Variants in FN3K observed in about 807,000 individuals in gnomAD.
FN3K encodes fructosamine 3 kinase.
Under a neutral mutation model 24.8 loss-of-function variants are expected in FN3K, and 24 were observed. That is an observed-to-expected ratio of 0.97 (90% CI 0.70 to 1.36). FN3K has a LOEUF of 1.36. Ranked by LOEUF, FN3K falls within the 40% of genes most tolerant of loss-of-function variation. The pLI, the probability that FN3K is intolerant of heterozygous loss-of-function variation, is 0.00. For missense variants in FN3K, 449 were observed against 416.7 expected (o/e 1.08, Z -0.67); for synonymous variants, 192 against 175.2 (o/e 1.10, Z -0.76).
Position 82,735,834 on chromosome 17 carries a change from G to A in FN3K, c.141+57G>A, listed in dbSNP as rs1032001493. 2.9e-5 allele frequency: 44 copies of A among 1,523,288 alleles called. No homozygotes were observed. The East Asian group carries it at 1.0e-3, about 36-fold the overall frequency. 94.4% of individuals were successfully genotyped at this position (1,523,288 alleles called of 1,614,324 possible). A position where few individuals can be genotyped will look rare whatever the true frequency, so the allele number is the denominator to read the frequency against. On this transcript the variant is annotated intron_variant, in intron 1 of 5. Transcript: ENST00000300784. ...GGGTCTCTGCGGGGCCTGGGAAGGC[G>A]GAGGGGTCGGGGGCAGGCGCATTTC... is the stretch of plus-strand genomic sequence containing the variant.
intron 4 of FN3K, chr17:82,745,777 T>C (rs2143649232): frequency 2.0e-5 from 3 of 152,296 alleles, no homozygotes; most frequent in Admixed American, 2.0e-4. Context: ...CTGTGTCATA[T>C]GGTAGGTCCA....
Position 82,750,932 on chromosome 17 carries a change from C to T in FN3K, c.*177C>T. On this transcript the variant is annotated 3_prime_UTR_variant, in exon 6 of 6. Transcript: ENST00000300784. ...TCCCCGTCCCCCCGTCCCCGTCCCT[C>T]CATCCCTGTCCCCCGTCCCCCTGTC... 3.0e-6 allele frequency: 1 copy of T among 332,662 alleles called. No homozygotes were observed. The highest frequency in any genetic ancestry group is 4.9e-5 in the East Asian group (1 of 20,252). 20.6% of individuals were successfully genotyped at this position (332,662 alleles called of 1,614,324 possible).
intron 4 of FN3K, among the ~76,000 whole-genome samples, chr17:82,746,684 T>C (rs928381740): frequency 6.6e-6 from 1 of 151,984 alleles, no homozygotes; most frequent in Admixed American, 6.6e-5. Context: ...GCACCTGTAA[T>C]TCCAGCTACT....
chr17:82,745,738 T>C (rs998906769), intron 4 of FN3K: 3 of 152,160 alleles, frequency 2.0e-5, no homozygotes, highest in African/African-American at 4.8e-5. Context: ...CTTCCACTTA[T>C]CTCGGGTAAA....
chr17:82,742,599 C>T lies in FN3K; in HGVS notation c.468+1206C>T, dbSNP rs1382547527. The stretch of plus-strand genomic sequence containing the variant: ...TATTCCATTCTATGGCTAGGCCACA[C>T]GTTTCTTTACATATTCCTTTTTATG... On this transcript the variant is annotated intron_variant, in intron 4 of 5. Coordinates refer to ENST00000300784, the MANE Select transcript of FN3K (RefSeq NM_022158.4). 1.4e-5 allele frequency: 6 copies of T among 422,208 alleles called. No homozygotes were observed. In the East Asian group the frequency reaches 2.9e-4, roughly 20 times the overall value. 26.2% of individuals were successfully genotyped at this position (422,208 alleles called of 1,614,324 possible).
At chr17:82,748,139 TTTC>T (rs1215012460) in intron 4 of FN3K, among the ~76,000 whole-genome samples, 41 of 144,870 alleles carry the variant, frequency 2.8e-4, no homozygotes, top group African/African-American at 2.7e-5. Flanking sequence ...CCACTCTAGC[TTTC>T]TTTTTTTTTT....
In FN3K at chr17:82,746,299, T is replaced by G. The variant is rs562033436; in HGVS notation, c.469-2556T>G. Among the ~76,000 whole-genome samples the G allele has an allele frequency of 1.5e-3, 228 of 152,250 alleles. 1 individual carries two copies. The highest frequency in any genetic ancestry group is 5.3e-3 in the African/African-American group (221 of 41,552). ...TGCATTTCCATAATGACTGAAGATG[T>G]GGAGCATCTATTCGTGTGCCTGTTT... On this transcript the variant is annotated intron_variant, in intron 4 of 5. Coordinates refer to ENST00000300784, the MANE Select transcript of FN3K (RefSeq NM_022158.4).
At chr17:82,742,817 A>G (rs1399430530) in intron 4 of FN3K, 1 of 437,526 alleles carries the variant, frequency 2.3e-6, no homozygotes, top group East Asian at 7.2e-5. Context: ...AAGAGAGAAT[A>G]CTTTCAAATC....
chr17:82,741,446 C>A, intron 4 of FN3K, 53 bp downstream of exon 4: 1 of 1,466,670 alleles, frequency 6.8e-7, no homozygotes, highest in African/African-American at 1.4e-5. Flanking sequence ...GTCACCCACT[C>A]TTTATATGTG....
Position 82,735,753 on chromosome 17 carries a change from C to A in FN3K, c.117C>A (p.Phe39Leu). Reference protein sequence around the residue: ...RAYDTDAGPVFVKVNRRTQAR... With the variant: ...RAYDTDAGPVLVKVNRRTQAR... Reference sequence around the variant, plus strand: ...ACGACACGGACGCAGGCCCAGTGTTCGTCAAAGTCAACCGCAGGACGCAGG... The same window carrying A: ...ACGACACGGACGCAGGCCCAGTGTTAGTCAAAGTCAACCGCAGGACGCAGG... Residue 39 changes from phenylalanine (F) to leucine (L), a missense_variant, in exon 1 of 6, where the codon TTC becomes TTA. Phe to Leu is a conservative substitution (Grantham distance 22). Coordinates refer to ENST00000300784, the MANE Select transcript of FN3K (RefSeq NM_022158.4). The A allele has an allele frequency of 6.4e-7, 1 of 1,564,006 alleles. No individual in the cohort carries two copies. The highest frequency in any genetic ancestry group is 8.6e-7 in the Non-Finnish European group (1 of 1,156,274).
At chr17:82,746,314 T>C (rs950878901) in intron 4 of FN3K, among the ~76,000 whole-genome samples, 1 of 152,160 alleles carries the variant, frequency 6.6e-6, no homozygotes, top group Non-Finnish European at 1.5e-5. Flanking sequence ...CATCTATTCG[T>C]GTGCCTGTTT....
chr17:82,744,019 G>C (rs1196514563), intron 4 of FN3K, among the ~76,000 whole-genome samples: 1 of 152,268 alleles, frequency 6.6e-6, no homozygotes, highest in Non-Finnish European at 1.5e-5. Context: ...GAGCTCAGAC[G>C]CTGGGAGCTT....
rs2047034716 is a variant in FN3K at position 82,751,013 on chromosome 17, TCCGTCCCCGTCCCCCCTGCCCCGTCC to T, written c.*264_*289del. The T allele has an allele frequency of 2.7e-4, 26 of 96,650 alleles. 1 individual carries two copies. The highest frequency in any genetic ancestry group is 1.6e-3 in the South Asian group (26 of 16,474). The allele number at this position is 96,650 out of a possible 1,614,324, so 6.0% of individuals were successfully genotyped here. A position where few individuals can be genotyped will look rare whatever the true frequency, so the allele number is the denominator to read the frequency against. ...CGACCCCCCATCCCCGTCCCCCATC[TCCGTCCCCGTCCCCCCTGCCCCGTCC>T]CCGTCTCCGTTCCCCCGTCCCCATC... On this transcript the variant is annotated 3_prime_UTR_variant, in exon 6 of 6. Transcript: ENST00000300784.
chr17:82,746,678 C>T (rs2046970494), intron 4 of FN3K, among the ~76,000 whole-genome samples: 1 of 152,014 alleles, frequency 6.6e-6, no homozygotes, highest in Non-Finnish European at 1.5e-5. Context: ...TGGCGGGCAC[C>T]TGTAATTCCA....
chr17:82,746,445 T>G (rs756455335), intron 4 of FN3K, among the ~76,000 whole-genome samples: 5 of 152,136 alleles, frequency 3.3e-5, no homozygotes, highest in Non-Finnish European at 5.9e-5. Flanking sequence ...TATGAGTGTT[T>G]TACCAGATAT....
In FN3K at chr17:82,735,755, T is replaced by C; in HGVS notation, c.119T>C (p.Val40Ala). 1.3e-6 allele frequency: 2 copies of C among 1,564,024 alleles called. No individual in the cohort carries two copies. The highest frequency in any genetic ancestry group is 2.4e-5 in the South Asian group (2 of 85,088). ...GACACGGACGCAGGCCCAGTGTTCG[T>C]CAAAGTCAACCGCAGGACGCAGGTG... ...AYDTDAGPVF[V>A]KVNRRTQARQ... is the part of the protein sequence containing the mutation. Residue 40 changes from valine to alanine, a missense_variant, in exon 1 of 6, where the codon GTC (valine) becomes GCC (alanine). By Grantham distance (64) the Val-to-Ala change is moderately conservative. Transcript: ENST00000300784.
intron 1 of FN3K, chr17:82,738,168 G>A (rs754623134): frequency 6.0e-6 from 2 of 331,450 alleles, no homozygotes; most frequent in Non-Finnish European, 1.2e-5. Flanking sequence ...GTCCAGCTCT[G>A]GACCTTGGTT....
intron 1 of FN3K, chr17:82,736,023 C>T (rs3848403): frequency 0.49 from 245,173 of 497,620 alleles, 61,924 homozygotes; most frequent in South Asian, 0.66. Context: ...TTTTAACTTT[C>T]CTATCCAGCA....
At chr17:82,736,809 C>CA in intron 1 of FN3K, among the ~76,000 whole-genome samples, 1 of 152,370 alleles carries the variant, frequency 6.6e-6, no homozygotes, top group East Asian at 1.9e-4. Context: ...CCAAATCCCT[C>CA]AAAGTGGGGA....
Sources: allele counts gnomAD v4.1 joint callset (sites outside exome capture counted in the v4.1 genomes callset), GRCh38; gene constraint gnomAD v4.1.1; transcripts MANE v1.5; gene names NCBI Gene and HGNC (gene_info 2026-07-23, HGNC 2026-07-21).